IQCM: variants seen among roughly 807,000 people sequenced by gnomAD.
IQCM encodes IQ domain-containing protein M.
In IQCM, 45 loss-of-function variants were observed where a neutral mutation model predicts 57.6. The observed-to-expected ratio is 0.78, with a 90% confidence interval of 0.62 to 1.00. The LOEUF (loss-of-function observed/expected upper bound fraction) is 1.00. IQCM is among the 50% of genes least tolerant of loss of function. The probability of loss-of-function intolerance (pLI) is 0.00; values close to 1 mark genes in which losing one functional copy is unlikely to be tolerated. For missense variants in IQCM, 468 were observed against 511.6 expected, an observed-to-expected ratio of 0.91 and a Z score of 0.82; for synonymous variants, 148 against 158.9, an observed-to-expected ratio of 0.93 and a Z score of 0.51.
intron 12 of IQCM, among the ~76,000 whole-genome samples, chr4:149,490,455 C>A (rs1157722536): frequency 6.6e-6 from 1 of 151,928 alleles, no homozygotes; most frequent in East Asian, 1.9e-4. Context: ...AGAAAATAAT[C>A]TTTATTTCTA....
intron 6 of IQCM, among the ~76,000 whole-genome samples, chr4:149,685,575 G>A (rs964039245): frequency 2.6e-5 from 4 of 151,384 alleles, no homozygotes; most frequent in African/African-American, 4.8e-5. Flanking sequence ...CAACTTAAAC[G>A]TTGGAAGACC....
intron 2 of IQCM, chr4:149,790,159 G>A: frequency 2.0e-6 from 1 of 500,980 alleles, no homozygotes; most frequent in East Asian, 3.6e-5. Flanking sequence ...AACATTAGTT[G>A]AAAGAACATG....
At chr4:149,580,286 T>G (rs569945175) in intron 9 of IQCM, among the ~76,000 whole-genome samples, 47 of 151,870 alleles carry the variant, frequency 3.1e-4, no homozygotes, top group African/African-American at 1.0e-3. Context: ...GATGTGAGAA[T>G]TCTGGAGAAT....
chr4:149,736,104 C>A (rs953580778), intron 3 of IQCM, among the ~76,000 whole-genome samples: 2 of 151,000 alleles, frequency 1.3e-5, no homozygotes, highest in Non-Finnish European at 2.9e-5. Context: ...TGCACCACCA[C>A]ATCCAGCTAA....
intron 2 of IQCM, among the ~76,000 whole-genome samples, chr4:149,807,079 T>C (rs897062064): frequency 4.6e-5 from 7 of 151,904 alleles, no homozygotes; most frequent in Non-Finnish European, 1.0e-4. Context: ...AAAATCTCTA[T>C]ACTATCCAAA....
chr4:149,432,299 A>AG (rs1253409015), intron 13 of IQCM, among the ~76,000 whole-genome samples: 1 of 151,946 alleles, frequency 6.6e-6, no homozygotes. Context: ...CATTTCCCTG[A>AG]TGACTAATGA....
rs1733704105 is a variant in IQCM, at chr4:149,415,764, A to T, written c.1390+17632T>A. ...TGCAAGGATAGCTTTTCATAAACTC[A>T]TCTATTCAGAGTCAGAGAGCTGGGT... On this transcript the variant is annotated intron_variant, in intron 13 of 13. Transcript: ENST00000636793. 4.6e-5 allele frequency among the ~76,000 whole-genome samples: 7 copies of T among 152,202 alleles called. No individual in the cohort carries two copies. The South Asian group carries it at 1.5e-3, about 32-fold the overall frequency.
At chr4:149,741,605 T>C (rs7698220) in intron 3 of IQCM, among the ~76,000 whole-genome samples, 42,757 of 152,082 alleles carry the variant, frequency 0.28, 8,971 homozygotes, top group African/African-American at 0.55. Flanking sequence ...GGGCAGATGC[T>C]TGCTGGCCTG....
At chr4:149,696,097 T>A (rs1026959644) in intron 5 of IQCM, among the ~76,000 whole-genome samples, 1 of 152,168 alleles carries the variant, frequency 6.6e-6, no homozygotes, top group African/African-American at 2.4e-5. Flanking sequence ...AGACTGGTTG[T>A]CTGCATATAT....
At chr4:149,645,342 G>T (rs1758544153) in intron 7 of IQCM, among the ~76,000 whole-genome samples, 2 of 152,128 alleles carry the variant, frequency 1.3e-5, no homozygotes, top group African/African-American at 4.8e-5. Context: ...AAGAAATCCT[G>T]TCCTACTGCA....
intron 12 of IQCM, among the ~76,000 whole-genome samples, chr4:149,442,945 CACACACACAGAG>C (rs1274652845): frequency 1.8e-4 from 10 of 55,374 alleles, no homozygotes; most frequent in Non-Finnish European, 2.9e-4. Context: ...CACACACACA[CACACACACAGAG>C]AGAGAGAGAG....
chr4:149,469,787 C>A lies in IQCM; in HGVS notation c.1229-36230G>T, dbSNP rs190694392. Among the ~76,000 whole-genome samples the A allele has an allele frequency of 8.5e-5, 13 of 152,278 alleles. No homozygotes were observed. The East Asian group carries it at 2.3e-3, about 27-fold the overall frequency. ...AACAGCGGATCTCTCGGCAGAAACT[C>A]TACAAGCGAGAAGAGAGTGGAGACC... is the stretch of plus-strand genomic sequence containing the variant. On this transcript the variant is annotated intron_variant, in intron 12 of 13. Transcript: ENST00000636793.
chr4:149,424,460 T>C (rs1700016011), intron 13 of IQCM, among the ~76,000 whole-genome samples: 1 of 151,804 alleles, frequency 6.6e-6, no homozygotes, highest in Admixed American at 6.6e-5. Flanking sequence ...CAAACTTTTA[T>C]TACATTAAAA....
At chr4:149,619,006 T>A (rs1326535385) in intron 8 of IQCM, among the ~76,000 whole-genome samples, 1 of 151,814 alleles carries the variant, frequency 6.6e-6, no homozygotes, top group East Asian at 1.9e-4. Flanking sequence ...AATCATTGTA[T>A]ACACACATTC....
At chr4:149,550,965 CAT>C (rs1228420981) in intron 11 of IQCM, among the ~76,000 whole-genome samples, 1 of 152,296 alleles carries the variant, frequency 6.6e-6, no homozygotes, top group African/African-American at 2.4e-5. Context: ...GTTTTTGCCA[CAT>C]GTTAGCCTAT....
At chr4:149,614,755 G>A (rs1755631072) in intron 8 of IQCM, among the ~76,000 whole-genome samples, 1 of 152,162 alleles carries the variant, frequency 6.6e-6, no homozygotes, top group Non-Finnish European at 1.5e-5. Flanking sequence ...AAATCTGATA[G>A]TGTTTTAAGA....
intron 13 of IQCM, among the ~76,000 whole-genome samples, chr4:149,413,315 T>G (rs963067134): frequency 6.6e-6 from 1 of 152,142 alleles, no homozygotes; most frequent in Admixed American, 6.5e-5. Context: ...GTAAGGAGAA[T>G]AGATTGAAAA....
chr4:149,586,594 A>G (rs1036295873), intron 9 of IQCM, among the ~76,000 whole-genome samples: 7 of 151,428 alleles, frequency 4.6e-5, no homozygotes, highest in Admixed American at 1.3e-4. Flanking sequence ...CCTAATTTCT[A>G]TTTCATTGCT....
chr4:149,796,633 T>G (rs1773141200), intron 2 of IQCM, among the ~76,000 whole-genome samples: 1 of 152,136 alleles, frequency 6.6e-6, no homozygotes, highest in African/African-American at 2.4e-5. Flanking sequence ...TGGCTTCAGG[T>G]TTTACACAGT....
Sources: allele counts gnomAD v4.1 joint callset (sites outside exome capture counted in the v4.1 genomes callset), GRCh38; gene constraint gnomAD v4.1.1; transcripts MANE v1.5; gene names NCBI Gene and HGNC (gene_info 2026-07-23, HGNC 2026-07-21).